Variants in SKAP2 observed in about 807,000 individuals in gnomAD.
The protein encoded by SKAP2 is src kinase-associated phosphoprotein 2.
SKAP2 carries 28 observed loss-of-function variants against 54.9 expected under a neutral mutation model. The observed-to-expected ratio is 0.51, with a 90% CI of 0.38 to 0.70. The LOEUF is 0.70. Among genes scored for constraint, SKAP2 ranks in the 30% least tolerant of loss-of-function variants. The pLI, the probability that SKAP2 is intolerant of heterozygous loss-of-function variation, is 0.00. For missense variants in SKAP2, 356 were observed against 424.1 expected, an observed-to-expected ratio of 0.84 and a Z score of 1.41; for synonymous variants, 137 against 134.3, an observed-to-expected ratio of 1.02 and a Z score of -0.14.
At chr7:26,697,852 C>T (rs1204631973) in intron 9 of SKAP2, among the ~76,000 whole-genome samples, 1 of 152,010 alleles carries the variant, frequency 6.6e-6, no homozygotes, top group Admixed American at 6.6e-5. Context: ...AATAAAATAC[C>T]CCAAATGCAT....
intron 4 of SKAP2, among the ~76,000 whole-genome samples, chr7:26,803,217 C>T (rs937133061): frequency 6.6e-6 from 1 of 152,008 alleles, no homozygotes; most frequent in South Asian, 2.1e-4. Flanking sequence ...TGCAAAATAC[C>T]CCTCTGACAA....
intron 9 of SKAP2, among the ~76,000 whole-genome samples, chr7:26,695,121 G>A (rs78716442): frequency 1.2e-4 from 19 of 152,216 alleles, no homozygotes; most frequent in African/African-American, 4.1e-4. Flanking sequence ...AGGGAGAAGA[G>A]GAAGATGATA....
At chr7:26,805,856 C>T (rs938800510) in intron 4 of SKAP2, among the ~76,000 whole-genome samples, 1 of 152,162 alleles carries the variant, frequency 6.6e-6, no homozygotes, top group African/African-American at 2.4e-5. Context: ...CTTTATTGCA[C>T]ATTGCAGACA....
At chr7:26,800,709 A>G (rs1282329776) in intron 4 of SKAP2, among the ~76,000 whole-genome samples, 1 of 152,190 alleles carries the variant, frequency 6.6e-6, no homozygotes, top group African/African-American at 2.4e-5. Context: ...CAGTGTCTAC[A>G]CTATGAGCAA....
chr7:26,864,268 G>A, intron 1 of SKAP2, 95 bp downstream of exon 1: 1 of 1,457,004 alleles, frequency 6.9e-7, no homozygotes, highest in African/African-American at 1.4e-5. Flanking sequence ...AGCGCGGGGA[G>A]GGAGGATAAG....
At chr7:26,860,792 G>A (rs933527271) in intron 1 of SKAP2, among the ~76,000 whole-genome samples, 2 of 2,674 alleles carry the variant, frequency 7.5e-4, no homozygotes, top group African/African-American at 3.3e-3. Flanking sequence ...AATCCCTTTA[G>A]GGGACTGATT....
chr7:26,718,507 T>C (rs1481168305), intron 9 of SKAP2, among the ~76,000 whole-genome samples: 1 of 151,666 alleles, frequency 6.6e-6, no homozygotes, highest in Non-Finnish European at 1.5e-5. Context: ...TTAATTTATT[T>C]TATTTTATTT....
chr7:26,750,029 T>C (rs1244190656), intron 4 of SKAP2, among the ~76,000 whole-genome samples: 2 of 151,846 alleles, frequency 1.3e-5, no homozygotes, highest in Admixed American at 6.6e-5. Flanking sequence ...ACTAACTCTA[T>C]ATTACCAATC....
intron 4 of SKAP2, among the ~76,000 whole-genome samples, chr7:26,815,286 TA>T (rs1379212277): frequency 6.6e-6 from 1 of 152,098 alleles, no homozygotes; most frequent in Non-Finnish European, 1.5e-5. Flanking sequence ...CCTGTACAAT[TA>T]ATTTTAATCT....
intron 9 of SKAP2, among the ~76,000 whole-genome samples, chr7:26,721,814 T>A (rs1461547196): frequency 6.6e-6 from 1 of 152,148 alleles, no homozygotes; most frequent in South Asian, 2.1e-4. Context: ...ACATAGTGAA[T>A]AGAAGAGAAG....
intron 4 of SKAP2, among the ~76,000 whole-genome samples, chr7:26,816,051 A>G (rs551375054): frequency 6.6e-6 from 1 of 152,268 alleles, no homozygotes; most frequent in East Asian, 1.9e-4. Context: ...TTATAAATAG[A>G]TAATGGTTGC....
Position 26,756,897 on chromosome 7 carries a change from T to C in SKAP2, c.308-16933A>G, listed in dbSNP as rs574194709. On this transcript the variant is annotated intron_variant, in intron 4 of 12. Transcript: ENST00000345317. ...CTAACTGGTGTGAGATGGTATCTCA[T>C]TGTGGTTTCGATTTGCATTTCTCTG... Among the ~76,000 whole-genome samples the C allele has an allele frequency of 1.5e-3, 236 of 152,350 alleles. 1 individual carries two copies. Among genetic ancestry groups the C allele is most frequent in the Non-Finnish European group, 2.8e-3 (192 of 68,036 alleles).
intron 4 of SKAP2, among the ~76,000 whole-genome samples, chr7:26,782,047 G>T (rs914369892): frequency 6.6e-6 from 1 of 152,156 alleles, no homozygotes; most frequent in African/African-American, 2.4e-5. Flanking sequence ...TCTGTGATTA[G>T]TATCTATTTT....
chr7:26,714,739 C>A (rs960597579), intron 9 of SKAP2, among the ~76,000 whole-genome samples: 4 of 152,132 alleles, frequency 2.6e-5, no homozygotes, highest in Non-Finnish European at 5.9e-5. Context: ...TGTATGTGTT[C>A]GTGTGGCTAT....
rs144945073 is a variant in SKAP2 at position 26,826,222 on chromosome 7, A to T, written c.307+17808T>A. Among the ~76,000 whole-genome samples, 150 of 152,258 alleles carry T rather than the reference A, an allele frequency of 9.9e-4. 2 individuals carry two copies. In the East Asian group the frequency reaches 0.026, roughly 27 times the overall value. On this transcript the variant is annotated intron_variant, in intron 4 of 12. Coordinates refer to ENST00000345317, the MANE Select transcript of SKAP2 (RefSeq NM_003930.5). ...CAATTCTTGAGAGATCTCTATTTCA[A>T]TGGGGTTGCTAACCTGGTAGAAATA...
At chr7:26,761,781 T>C (rs1164716479) in intron 4 of SKAP2, among the ~76,000 whole-genome samples, 1 of 152,248 alleles carries the variant, frequency 6.6e-6, no homozygotes, top group Non-Finnish European at 1.5e-5. Context: ...ACATCTGTAA[T>C]CCCGGCAACT....
intron 4 of SKAP2, among the ~76,000 whole-genome samples, chr7:26,835,504 T>C (rs554635072): frequency 9.3e-4 from 141 of 152,306 alleles, no homozygotes; most frequent in Non-Finnish European, 1.6e-3. Context: ...AGACTCAGGA[T>C]ACAAAATCAA....
chr7:26,822,220 T>C (rs1286335564), intron 4 of SKAP2, among the ~76,000 whole-genome samples: 1 of 152,202 alleles, frequency 6.6e-6, no homozygotes, highest in Non-Finnish European at 1.5e-5. Flanking sequence ...ACTTTACAGA[T>C]ACTGCATTTT....
chr7:26,860,406 C>G (rs559232743), intron 1 of SKAP2, among the ~76,000 whole-genome samples: 1 of 152,218 alleles, frequency 6.6e-6, no homozygotes, highest in African/African-American at 2.4e-5. Flanking sequence ...AAAAGAATAT[C>G]TTGGAGGTAC....
Sources: allele counts gnomAD v4.1 joint callset (sites outside exome capture counted in the v4.1 genomes callset), GRCh38; gene constraint gnomAD v4.1.1; transcripts MANE v1.5; gene names NCBI Gene and HGNC (gene_info 2026-07-23, HGNC 2026-07-21).